Variants in UGT1A7 observed in about 807,000 individuals in gnomAD.
UGT1A7 encodes the protein UDP-glucuronosyltransferase 1A7.
In UGT1A7, 33 loss-of-function variants were observed where a neutral mutation model predicts 45.6. The ratio of observed to expected loss-of-function variants is 0.72; its 90% CI spans 0.55 to 0.97. The LOEUF is 0.97. Ranked by LOEUF, UGT1A7 falls within the 50% of genes least tolerant of loss-of-function variation. UGT1A7 has a pLI of 0.00. For missense variants in UGT1A7, 684 were observed against 666.2 expected, an observed-to-expected ratio of 1.03 and a Z score of -0.29; for synonymous variants, 274 against 250.6, an observed-to-expected ratio of 1.09 and a Z score of -0.88.
chr2:233,721,331 C>T (rs1281887450), intron 1 of UGT1A7, among the ~76,000 whole-genome samples: 1 of 152,014 alleles, frequency 6.6e-6, no homozygotes, highest in African/African-American at 2.4e-5. Flanking sequence ...TGTGGTTTTT[C>T]ACTATGAATA....
intron 1 of UGT1A7, among the ~76,000 whole-genome samples, chr2:233,700,840 T>G (rs891467529): frequency 9.9e-5 from 15 of 152,232 alleles, no homozygotes; most frequent in Middle Eastern, 3.4e-3. Context: ...TCATTTAGCA[T>G]TAGGTATATC....
chr2:233,761,536 A>C (rs1039884807), intron 1 of UGT1A7, among the ~76,000 whole-genome samples: 1 of 152,248 alleles, frequency 6.6e-6, no homozygotes, highest in Non-Finnish European at 1.5e-5. Context: ...TGATGAAATC[A>C]TTCTTTGATG....
At chr2:233,710,922 T>C (rs2076154215) in intron 1 of UGT1A7, among the ~76,000 whole-genome samples, 1 of 152,228 alleles carries the variant, frequency 6.6e-6, no homozygotes, top group Non-Finnish European at 1.5e-5. Context: ...TTAGACCACT[T>C]AGTCTTTGTT....
Position 233,691,334 on chromosome 2 carries a change from T to A in UGT1A7, c.855+8542T>A, listed in dbSNP as rs1046553363. 5 of 985,462 alleles carry A rather than the reference T, an allele frequency of 5.1e-6. No individual in the cohort carries two copies. The African/African-American group carries it at 8.7e-5, about 17-fold the overall frequency. 61.0% of individuals were successfully genotyped at this position (985,462 alleles called of 1,614,324 possible). On this transcript the variant is annotated intron_variant, in intron 1 of 4. Transcript: ENST00000373426. ...AGGCTGCTCCCAGCTTGGACTGAGC[T>A]GAGTCTTCGCATGCCTTGAACAATG...
At chr2:233,767,202 T>G in intron 2 of UGT1A7, 37 bp downstream of exon 2, 15 of 1,613,508 alleles carry the variant, frequency 9.3e-6, no homozygotes, top group Non-Finnish European at 1.3e-5. Flanking sequence ...ATATCTATTT[T>G]CACAGGAGCG....
chr2:233,741,611 T>G (rs1691716714), intron 1 of UGT1A7: 1 of 151,894 alleles, frequency 6.6e-6, no homozygotes. Context: ...CAGAGTTCAG[T>G]GTCAGACCCC....
intron 3 of UGT1A7, 53 bp from the exon 4 acceptor site, chr2:233,768,167 G>T: frequency 5.6e-6 from 9 of 1,613,612 alleles, no homozygotes; most frequent in Non-Finnish European, 7.6e-6. Context: ...GATGTGTCCA[G>T]CTGTGAAACT....
chr2:233,681,927 G>A lies in UGT1A7; in HGVS notation c.-11G>A. On this transcript the variant is annotated 5_prime_UTR_variant, in exon 1 of 5. Transcript: ENST00000373426. ...GAATCCCAGCTGCTGGCTCTGGGCT[G>A]AAGTTCTCTGATGGCTCGTGCAGGG... 1.2e-6 allele frequency: 2 copies of A among 1,610,084 alleles called. No individual in the cohort carries two copies. The highest frequency in any genetic ancestry group is 1.7e-4 in the Middle Eastern group (1 of 6,018).
chr2:233,684,049 C>A (rs1387800184), intron 1 of UGT1A7, among the ~76,000 whole-genome samples: 1 of 152,098 alleles, frequency 6.6e-6, no homozygotes, highest in East Asian at 1.9e-4. Flanking sequence ...AGGTGAAACA[C>A]CTGGTGTCTG....
intron 1 of UGT1A7, among the ~76,000 whole-genome samples, chr2:233,764,509 G>A (rs1698579622): frequency 6.6e-6 from 1 of 152,192 alleles, no homozygotes; most frequent in Non-Finnish European, 1.5e-5. Flanking sequence ...GTTCAATTTT[G>A]TGTGAATCAC....
rs150697955 is a variant in UGT1A7 at position 233,712,999 on chromosome 2, C to G, written c.855+30207C>G. On this transcript the variant is annotated intron_variant, in intron 1 of 4. Transcript: ENST00000373426. The stretch of plus-strand genomic sequence containing the variant: ...TCGGTGGCTTCTGCTGAGATGGCCA[C>G]AGGACTCCAGGTTCCCCTGCCGCAG... 763 of 1,613,480 alleles carry G rather than the reference C, an allele frequency of 4.7e-4. 15 individuals are homozygous for G. In the South Asian group the frequency reaches 7.3e-3, roughly 15 times the overall value.
chr2:233,719,832 C>G, intron 1 of UGT1A7: 1 of 1,545,496 alleles, frequency 6.5e-7, no homozygotes, highest in South Asian at 1.2e-5. Flanking sequence ...GTTGAGGGGC[C>G]TAGTGTATTT....
intron 1 of UGT1A7, among the ~76,000 whole-genome samples, chr2:233,697,414 G>T (rs1199791419): frequency 3.3e-5 from 5 of 151,592 alleles, no homozygotes; most frequent in African/African-American, 1.2e-4. Context: ...TGTGGTGTCA[G>T]TTGCTGTGTT....
intron 1 of UGT1A7, among the ~76,000 whole-genome samples, chr2:233,696,325 T>G (rs2075338334): frequency 6.6e-6 from 1 of 152,218 alleles, no homozygotes; most frequent in African/African-American, 2.4e-5. Context: ...TTCATCCTCA[T>G]TTCCTTATAC....
At chr2:233,748,719 T>G (rs1371005675) in intron 1 of UGT1A7, among the ~76,000 whole-genome samples, 3 of 151,682 alleles carry the variant, frequency 2.0e-5, no homozygotes, top group Non-Finnish European at 4.4e-5. Context: ...GTCTGGTGCA[T>G]GATGTGGGGA....
rs147555582 is a variant in UGT1A7, at chr2:233,719,200, G to C, written c.855+36408G>C. ...AATGTATCTTTGGCCCTTCATAGGT[G>C]TTGTGTGGAGCTACTGCATAATGAG... is the stretch of plus-strand genomic sequence containing the variant. On this transcript the variant is annotated intron_variant, in intron 1 of 4. Coordinates refer to ENST00000373426, the MANE Select transcript of UGT1A7 (RefSeq NM_019077.3). 146 of 1,614,136 alleles carry C rather than the reference G, an allele frequency of 9.0e-5. 3 individuals carry two copies. The highest frequency in any genetic ancestry group is 3.3e-4 in the Middle Eastern group (2 of 6,062).
In UGT1A7 at chr2:233,772,555, A is replaced by C. The variant is rs1350310639; in HGVS notation, c.1589A>C (p.His530Pro). 3 of 1,613,990 alleles carry C rather than the reference A, an allele frequency of 1.9e-6. No homozygotes were observed. Among genetic ancestry groups the C allele is most frequent in the East Asian group, 4.5e-5 (2 of 44,878 alleles). Residue 530 changes from histidine (H) to proline (P), a missense_variant, in exon 5 of 5, where the codon CAT becomes CCT. By Grantham distance (77) the His-to-Pro change is moderately conservative (BLOSUM62 -2). Coordinates refer to ENST00000373426, the MANE Select transcript of UGT1A7 (RefSeq NM_019077.3). ...AAGAAAGCCCACAAATCCAAGACCCATTGAGAAGTGGGTGGGAAATAAGGT... is the reference window on the plus strand; with the variant it reads ...AAGAAAGCCCACAAATCCAAGACCCCTTGAGAAGTGGGTGGGAAATAAGGT... Reference protein sequence around the residue: ...RVKKAHKSKTH With the variant: ...RVKKAHKSKTP
chr2:233,735,217 A>T (rs1317592719), intron 1 of UGT1A7, among the ~76,000 whole-genome samples: 1 of 152,114 alleles, frequency 6.6e-6, no homozygotes, highest in African/African-American at 2.4e-5. Flanking sequence ...GTGCATATAT[A>T]TTTAGGATAG....
intron 4 of UGT1A7, chr2:233,771,059 G>A (rs1001475755): frequency 6.6e-6 from 1 of 152,046 alleles, no homozygotes; most frequent in Non-Finnish European, 1.5e-5. Flanking sequence ...TTTAATGACC[G>A]GCTCTCACAA....
Sources: gnomAD v4.1 joint callset for allele counts (sites outside exome capture counted in the v4.1 genomes callset) on GRCh38, gnomAD v4.1.1 for gene constraint, MANE v1.5 for transcripts, NCBI Gene and HGNC (gene_info 2026-07-23, HGNC 2026-07-21) for gene names.